The following MLLT10 variants were observed in gnomAD, a reference collection of about 807,000 sequenced individuals.
MLLT10 encodes the protein protein AF-10.
In MLLT10, 30 loss-of-function variants were observed where a neutral mutation model predicts 129.1. The observed-to-expected ratio is 0.23, with a 90% CI of 0.17 to 0.32. MLLT10 has a LOEUF of 0.32. Among genes scored for constraint, MLLT10 ranks in the 10% least tolerant of loss-of-function variants. The pLI, the probability that MLLT10 is intolerant of heterozygous loss-of-function variation, is 1.00. For synonymous variants in MLLT10, 490 were observed against 446.4 expected (o/e 1.10, Z -1.23); for missense variants, 1,119 against 1,268.3 (o/e 0.88, Z 1.79).
At chr10:21,605,659 T>G (rs2043988786) in intron 5 of MLLT10, among the ~76,000 whole-genome samples, 1 of 152,138 alleles carries the variant, frequency 6.6e-6, no homozygotes. Context: ...GGTGTCAAAC[T>G]CCTGGGCTCA....
chr10:21,725,582 G>A (rs190379509), intron 14 of MLLT10, among the ~76,000 whole-genome samples: 188 of 151,986 alleles, frequency 1.2e-3, no homozygotes, highest in Admixed American at 2.2e-3. Flanking sequence ...TTAGCTGGGC[G>A]TGGTGGCGGG....
In MLLT10 at chr10:21,733,754, C is replaced by G. The variant is rs1163298338; in HGVS notation, c.2497-14C>G. 3 of 1,589,418 alleles carry G rather than the reference C, an allele frequency of 1.9e-6. No homozygotes were observed. Among genetic ancestry groups the G allele is most frequent in the East Asian group, 2.2e-5 (1 of 44,632 alleles). On this transcript the variant is annotated splice_polypyrimidine_tract_variant and intron_variant, in intron 19 of 22. Transcript: ENST00000307729. ...ATGTCCAGTGGACTTAGTTTCTCTTCTTTCTTACGCTAGGACTTAACCTCC... is the reference window on the plus strand; with the variant it reads ...ATGTCCAGTGGACTTAGTTTCTCTTGTTTCTTACGCTAGGACTTAACCTCC...
intron 14 of MLLT10, among the ~76,000 whole-genome samples, chr10:21,719,068 G>T (rs756858604): frequency 1.4e-4 from 21 of 152,234 alleles, no homozygotes; most frequent in Admixed American, 2.6e-4. Flanking sequence ...GAGTTTTGCA[G>T]ATTTCTGTGA....
intron 3 of MLLT10, among the ~76,000 whole-genome samples, chr10:21,573,446 G>A (rs1214130021): frequency 6.6e-6 from 1 of 152,108 alleles, no homozygotes; most frequent in Non-Finnish European, 1.5e-5. Flanking sequence ...CTTCCTGAGG[G>A]TTTGTGTCAT....
chr10:21,592,547 C>T (rs1438948903), intron 4 of MLLT10, among the ~76,000 whole-genome samples: 1 of 152,110 alleles, frequency 6.6e-6, no homozygotes, highest in African/African-American at 2.4e-5. Flanking sequence ...GCTCCACCCC[C>T]CGGGGTTCAC....
chr10:21,657,159 A>T (rs2049673894), intron 9 of MLLT10, among the ~76,000 whole-genome samples: 1 of 152,138 alleles, frequency 6.6e-6, no homozygotes, highest in South Asian at 2.1e-4. Flanking sequence ...TGGGAGGCCA[A>T]GGTGGGTGGA....
intron 3 of MLLT10, among the ~76,000 whole-genome samples, chr10:21,548,942 A>T (rs145231992): frequency 5.9e-5 from 9 of 152,086 alleles, no homozygotes; most frequent in African/African-American, 2.2e-4. Flanking sequence ...GTCTTTATAT[A>T]TTGTGTAATT....
intron 8 of MLLT10, chr10:21,625,167 A>G (rs577183533): frequency 7.3e-7 from 1 of 1,377,894 alleles, no homozygotes; most frequent in Non-Finnish European, 1.0e-6. Context: ...GTGTAGTGAT[A>G]ATCTTCATAT....
chr10:21,629,001 G>T (rs544806338), intron 8 of MLLT10, among the ~76,000 whole-genome samples: 2 of 152,008 alleles, frequency 1.3e-5, no homozygotes, highest in Non-Finnish European at 2.9e-5. Context: ...GCCCACCTTG[G>T]CCTCCCAAAG....
Position 21,741,920 on chromosome 10 carries a change from C to G in MLLT10, c.3163-19C>G. 1 of 1,608,450 alleles carries G rather than the reference C, an allele frequency of 6.2e-7. No individual in the cohort carries two copies. The highest frequency in any genetic ancestry group is 1.1e-5 in the South Asian group (1 of 89,758). On this transcript the variant is annotated intron_variant, in intron 22 of 22. Transcript: ENST00000307729. Reference sequence around the variant, plus strand: ...AAAGTTGATTTAGCTAACGCATCTGCTCTTTTGTTTACCTGCAGAGACTTA... The same window carrying G: ...AAAGTTGATTTAGCTAACGCATCTGGTCTTTTGTTTACCTGCAGAGACTTA...
At chr10:21,730,038 C>T (rs1044140898) in intron 16 of MLLT10, among the ~76,000 whole-genome samples, 4 of 151,932 alleles carry the variant, frequency 2.6e-5, no homozygotes, top group Admixed American at 6.5e-5. Flanking sequence ...GAGGCCTGGG[C>T]GGGAGGAACA....
intron 3 of MLLT10, among the ~76,000 whole-genome samples, chr10:21,552,810 C>T (rs764464199): frequency 6.6e-6 from 1 of 150,918 alleles, no homozygotes; most frequent in Non-Finnish European, 1.5e-5. Context: ...CTCTTCTTTC[C>T]GTCTCCTCTT....
At chr10:21,654,081 A>G (rs2049315447) in intron 9 of MLLT10, among the ~76,000 whole-genome samples, 1 of 152,226 alleles carries the variant, frequency 6.6e-6, no homozygotes, top group Non-Finnish European at 1.5e-5. Context: ...ACTGTGTCAT[A>G]TATTAAGGAC....
intron 18 of MLLT10, 28 bp downstream of exon 18, chr10:21,733,115 C>G (rs1195587829): frequency 6.4e-7 from 1 of 1,559,560 alleles, no homozygotes; most frequent in East Asian, 2.3e-5. Context: ...TATTTTGTAT[C>G]TAAGGAAAAT....
chr10:21,742,905 C>T lies in MLLT10; in HGVS notation c.*922C>T, dbSNP rs971352368. ...CCGCCTTTATTCAGAACTTTCTGTG[C>T]CACTGTAGATAGCTCAGGCAAAACT... is the stretch of plus-strand genomic sequence containing the variant. On this transcript the variant is annotated 3_prime_UTR_variant, in exon 23 of 23. Transcript: ENST00000307729. The T allele has an allele frequency of 4.4e-6, 1 of 228,550 alleles. No individual in the cohort carries two copies. Among genetic ancestry groups the T allele is most frequent in the East Asian group, 6.3e-5 (1 of 15,950 alleles). 14.2% of individuals were successfully genotyped at this position (228,550 alleles called of 1,614,324 possible). A position where few individuals can be genotyped will look rare whatever the true frequency, so the allele number is the denominator to read the frequency against.
intron 8 of MLLT10, chr10:21,625,411 G>T: frequency 4.8e-6 from 4 of 827,542 alleles, no homozygotes; most frequent in Non-Finnish European, 8.4e-6. Context: ...TTTCGTCTGT[G>T]CCCAAGTTTC....
intron 14 of MLLT10, among the ~76,000 whole-genome samples, chr10:21,718,356 T>C (rs2131537275): frequency 6.6e-6 from 1 of 152,302 alleles, no homozygotes; most frequent in South Asian, 2.1e-4. Flanking sequence ...GAGGTATAAA[T>C]TAGTTTCTGT....
At chr10:21,542,177 A>G (rs541373582) in intron 3 of MLLT10, among the ~76,000 whole-genome samples, 50 of 152,340 alleles carry the variant, frequency 3.3e-4, no homozygotes, top group African/African-American at 1.2e-3. Context: ...GAATGCCAGC[A>G]TCATTTGCCT....
intron 17 of MLLT10, 56 bp downstream of exon 17, chr10:21,731,110 G>GATGGACAAACAC: frequency 6.7e-7 from 1 of 1,502,436 alleles, no homozygotes; most frequent in South Asian, 1.3e-5. Flanking sequence ...TGGACAAACA[G>GATGGACAAACAC]GCAGATGGAT....
Sources: gnomAD v4.1 joint callset for allele counts (sites outside exome capture counted in the v4.1 genomes callset) on GRCh38, gnomAD v4.1.1 for gene constraint, MANE v1.5 for transcripts, NCBI Gene and HGNC (gene_info 2026-07-23, HGNC 2026-07-21) for gene names.